Variants in APBA2 observed in about 807,000 individuals in gnomAD.
APBA2 encodes amyloid-beta A4 precursor protein-binding family A member 2.
Under a neutral mutation model 75.0 loss-of-function variants are expected in APBA2, and 30 were observed. That is an observed-to-expected ratio of 0.40 (90% CI 0.30 to 0.54). The LOEUF is 0.54. Ranked by LOEUF, APBA2 falls within the 20% of genes least tolerant of loss-of-function variation. APBA2 has a pLI of 0.49. For synonymous variants in APBA2, 444 were observed against 409.6 expected (o/e 1.08, Z -1.01); for missense variants, 801 against 1,016.1 (o/e 0.79, Z 2.88).
chr15:29,073,417 C>T (rs929533318), intron 4 of APBA2, among the ~76,000 whole-genome samples: 1 of 152,240 alleles, frequency 6.6e-6, no homozygotes, highest in African/African-American at 2.4e-5. Flanking sequence ...ATGGCGCCAT[C>T]TCAGCTCACT....
rs1038913642 is a variant in APBA2 at position 29,052,883 on chromosome 15, C to T, written c.-40-962C>T. Among the ~76,000 whole-genome samples the T allele has an allele frequency of 2.6e-5, 4 of 152,228 alleles. No individual in the cohort carries two copies. In the East Asian group the frequency reaches 7.7e-4, roughly 29 times the overall value. ...GAGAGAGCCAAACTCACTTTTATAA[C>T]AAACCCACTCTCACAATAAAGAACT... On this transcript the variant is annotated intron_variant, in intron 3 of 14. Transcript: ENST00000683413.
chr15:29,064,725 G>C (rs575686166), intron 4 of APBA2, among the ~76,000 whole-genome samples: 24 of 152,294 alleles, frequency 1.6e-4, no homozygotes, highest in Non-Finnish European at 3.1e-4. Context: ...TGATGAGAGA[G>C]AGACAGAGGG....
chr15:29,007,456 C>T (rs962803416), intron 3 of APBA2, among the ~76,000 whole-genome samples: 7 of 152,062 alleles, frequency 4.6e-5, no homozygotes, highest in Non-Finnish European at 5.9e-5. Context: ...AAGGAATGGA[C>T]GGAAATCTTT....
intron 2 of APBA2, among the ~76,000 whole-genome samples, chr15:28,950,321 G>A (rs994124907): frequency 6.6e-6 from 1 of 152,162 alleles, no homozygotes; most frequent in Non-Finnish European, 1.5e-5. Context: ...TGTGCCAGTT[G>A]CTCACTGTAA....
chr15:28,971,535 G>T (rs1271245633), intron 2 of APBA2, among the ~76,000 whole-genome samples: 3 of 152,206 alleles, frequency 2.0e-5, no homozygotes, highest in Admixed American at 1.3e-4. Flanking sequence ...AGGAATAAAA[G>T]AGAGGGTCTT....
chr15:29,094,903 T>A lies in APBA2; in HGVS notation c.1251+590T>A, dbSNP rs1170582443. The stretch of plus-strand genomic sequence containing the variant: ...AATGAGAACCCTGTCTCCACAACTT[T>A]TTTTTTTTTTTTAATTAGCTGGTCA... On this transcript the variant is annotated intron_variant, in intron 8 of 14. Coordinates refer to ENST00000683413, the MANE Select transcript of APBA2 (RefSeq NM_001353788.2). Among the ~76,000 whole-genome samples the A allele has an allele frequency of 1.2e-3, 15 of 12,486 alleles. No homozygotes were observed. In the Non-Finnish European group the frequency reaches 0.031, roughly 26 times the overall value. The allele number at this position is 12,486 out of a possible 152,430, so 8.2% of individuals were successfully genotyped here.
chr15:29,070,886 GAGA>G, intron 4 of APBA2: 1 of 331,520 alleles, frequency 3.0e-6, no homozygotes, highest in South Asian at 2.3e-5. Context: ...GGGATTCCCA[GAGA>G]AGATTGTCAT....
At chr15:28,978,731 G>C (rs2037469065) in intron 2 of APBA2, among the ~76,000 whole-genome samples, 1 of 152,192 alleles carries the variant, frequency 6.6e-6, no homozygotes, top group Admixed American at 6.5e-5. Flanking sequence ...GCCTCCCAGG[G>C]CATGGAGTCA....
intron 4 of APBA2, among the ~76,000 whole-genome samples, chr15:29,071,353 C>G (rs1293563257): frequency 6.6e-6 from 1 of 151,924 alleles, no homozygotes; most frequent in African/African-American, 2.4e-5. Context: ...CCACACCACA[C>G]ATTAATTTTC....
At chr15:29,090,501 G>A (rs574991549) in intron 6 of APBA2, among the ~76,000 whole-genome samples, 1 of 152,342 alleles carries the variant, frequency 6.6e-6, no homozygotes, top group African/African-American at 2.4e-5. Context: ...GCAGTGCCTA[G>A]AAAGGTAGGA....
intron 1 of APBA2, among the ~76,000 whole-genome samples, chr15:28,899,965 G>A (rs1449422735): frequency 1.3e-5 from 2 of 152,182 alleles, no homozygotes; most frequent in African/African-American, 2.4e-5. Context: ...AGAGTGTGTC[G>A]GGAGAGATGA....
At position 28,982,803 on chromosome 15, in the gene APBA2, G is replaced by T. The variant is rs1250033919; in HGVS notation, c.-94-12950G>T. On this transcript the variant is annotated intron_variant, in intron 2 of 14. Transcript: ENST00000683413. ...AGCGCAAGTGTTCTTCCCAAGCTTG[G>T]GGGACCTGGCAGGGCTGCCTACAGG... is the stretch of plus-strand genomic sequence containing the variant. Among the ~76,000 whole-genome samples the T allele has an allele frequency of 2.0e-5, 3 of 152,200 alleles. No homozygotes were observed. The East Asian group carries it at 5.8e-4, about 29-fold the overall frequency.
At chr15:28,979,662 G>A (rs1247734715) in intron 2 of APBA2, among the ~76,000 whole-genome samples, 2 of 152,182 alleles carry the variant, frequency 1.3e-5, no homozygotes, top group African/African-American at 2.4e-5. Flanking sequence ...CCCCGGCCCC[G>A]TGTGAGCAGA....
intron 8 of APBA2, among the ~76,000 whole-genome samples, chr15:29,095,731 T>C (rs77884812): frequency 0.032 from 4,914 of 152,330 alleles, 201 homozygotes; most frequent in African/African-American, 0.094. Flanking sequence ...CCACCTAGGA[T>C]GTCTGCCTTT....
At chr15:29,082,397 A>G (rs2043122574) in intron 6 of APBA2, among the ~76,000 whole-genome samples, 3 of 152,166 alleles carry the variant, frequency 2.0e-5, no homozygotes, top group Admixed American at 1.3e-4. Context: ...CTTCAGATCG[A>G]TTGTCTTAGC....
intron 8 of APBA2, among the ~76,000 whole-genome samples, chr15:29,097,741 C>CA: frequency 6.6e-6 from 1 of 152,266 alleles, no homozygotes; most frequent in East Asian, 1.9e-4. Context: ...CCATGATGCA[C>CA]AATAGATCTC....
At position 28,953,982 on chromosome 15, in the gene APBA2, C is replaced by T. The variant is rs1478579036; in HGVS notation, c.-95+32233C>T. Among the ~76,000 whole-genome samples, 15 of 152,270 alleles carry T rather than the reference C, an allele frequency of 9.9e-5. 1 individual carries two copies. Among genetic ancestry groups the T allele is most frequent in the Admixed American group, 3.9e-4 (6 of 15,292 alleles). ...CGCTTTCCCTTAGAGTTCTAATTGA[C>T]GTCCCCACACAACAGGCACCAAGCT... On this transcript the variant is annotated intron_variant, in intron 2 of 14. Coordinates refer to ENST00000683413, the MANE Select transcript of APBA2 (RefSeq NM_001353788.2).
chr15:29,029,327 T>C (rs1305023348), intron 3 of APBA2, among the ~76,000 whole-genome samples: 5 of 151,328 alleles, frequency 3.3e-5, no homozygotes, highest in Admixed American at 6.6e-5. Context: ...AACCCACTTT[T>C]CTACCAAAAA....
intron 3 of APBA2, among the ~76,000 whole-genome samples, chr15:28,997,351 G>C (rs2038583950): frequency 6.6e-6 from 1 of 152,154 alleles, no homozygotes; most frequent in African/African-American, 2.4e-5. Context: ...TCAGTTGTCA[G>C]TTTTCAAAGT....
Sources: allele counts gnomAD v4.1 joint callset (sites outside exome capture counted in the v4.1 genomes callset), GRCh38; gene constraint gnomAD v4.1.1; transcripts MANE v1.5; gene names NCBI Gene and HGNC (gene_info 2026-07-23, HGNC 2026-07-21).